The following PIBF1 variants were observed in gnomAD, a reference collection of about 807,000 sequenced individuals.
The protein encoded by PIBF1 is progesterone-induced-blocking factor 1.
PIBF1 carries 90 observed loss-of-function variants against 112.5 expected under a neutral mutation model. The observed-to-expected ratio is 0.80, with a 90% CI of 0.67 to 0.95. The LOEUF (loss-of-function observed/expected upper bound fraction) is 0.95, where lower values mean the gene tolerates loss of function less well. Among genes scored for constraint, PIBF1 ranks in the 40% least tolerant of loss-of-function variants. The pLI, the probability that PIBF1 is intolerant of heterozygous loss-of-function variation, is 0.00. For synonymous variants in PIBF1, 301 were observed against 288.6 expected, an observed-to-expected ratio of 1.04 and a Z score of -0.44; for missense variants, 915 against 852.3, an observed-to-expected ratio of 1.07 and a Z score of -0.92.
intron 14 of PIBF1, among the ~76,000 whole-genome samples, chr13:72,954,696 A>G (rs987321758): frequency 6.6e-6 from 1 of 152,156 alleles, no homozygotes; most frequent in African/African-American, 2.4e-5. Context: ...TCCCCATCTT[A>G]TGCTCTGGAG....
At chr13:72,962,175 C>A (rs1002959757) in intron 14 of PIBF1, among the ~76,000 whole-genome samples, 7 of 151,888 alleles carry the variant, frequency 4.6e-5, no homozygotes, top group Non-Finnish European at 1.5e-5. Context: ...ATATAAATAC[C>A]ATACTATTAA....
At chr13:72,956,825 G>GA (rs2042459016) in intron 14 of PIBF1, among the ~76,000 whole-genome samples, 2 of 152,122 alleles carry the variant, frequency 1.3e-5, no homozygotes, top group South Asian at 2.1e-4. Flanking sequence ...CTAGCTGGAA[G>GA]AAAAAAACCC....
intron 13 of PIBF1, among the ~76,000 whole-genome samples, chr13:72,924,436 C>G (rs2041409736): frequency 6.6e-6 from 1 of 152,006 alleles, no homozygotes; most frequent in African/African-American, 2.4e-5. Context: ...TCCAGAGGTA[C>G]TTATCGCTAT....
chr13:72,872,645 G>A (rs2039216081), intron 10 of PIBF1, among the ~76,000 whole-genome samples: 1 of 151,970 alleles, frequency 6.6e-6, no homozygotes, highest in Non-Finnish European at 1.5e-5. Context: ...TCTCATAATT[G>A]CTTTGTATGA....
intron 14 of PIBF1, among the ~76,000 whole-genome samples, chr13:72,938,290 T>C (rs2041925386): frequency 6.6e-6 from 1 of 152,098 alleles, no homozygotes; most frequent in African/African-American, 2.4e-5. Flanking sequence ...ACAGCACCAC[T>C]ATCTAGTAAA....
chr13:72,948,558 A>G lies in PIBF1; in HGVS notation c.1834-16716A>G, dbSNP rs191016537. ...ATCTCTGCCTGTTACTCGGTTCCAA[A>G]GTCACTTACACATTTTCAAGTATCT... is the stretch of plus-strand genomic sequence containing the variant. On this transcript the variant is annotated intron_variant, in intron 14 of 17. Transcript: ENST00000326291. Among the ~76,000 whole-genome samples the G allele has an allele frequency of 5.0e-3, 759 of 152,312 alleles. 9 individuals carry two copies. Among genetic ancestry groups the G allele is most frequent in the Non-Finnish European group, 9.1e-3 (617 of 68,014 alleles).
chr13:72,914,033 A>G (rs2040994850), intron 12 of PIBF1, among the ~76,000 whole-genome samples: 1 of 152,184 alleles, frequency 6.6e-6, no homozygotes, highest in Admixed American at 6.5e-5. Flanking sequence ...CAAAGAAGTG[A>G]GCACAGACTT....
intron 2 of PIBF1, among the ~76,000 whole-genome samples, chr13:72,789,678 T>G (rs1286141908): frequency 6.6e-6 from 1 of 152,100 alleles, no homozygotes; most frequent in African/African-American, 2.4e-5. Flanking sequence ...TGATACAGGT[T>G]GTTTCTTATC....
In PIBF1 at chr13:72,788,312, T is replaced by G. The variant is rs2138349852; in HGVS notation, c.253-4135T>G. ...ACCAACTGCCCAGGGTTTCAAGGAT[T>G]AAGTTCAGCAGTTAATACCAGAGAC... On this transcript the variant is annotated intron_variant, in intron 2 of 17. Transcript: ENST00000326291. 2.6e-5 allele frequency among the ~76,000 whole-genome samples: 4 copies of G among 152,338 alleles called. No homozygotes were observed. The Middle Eastern group carries it at 0.014, about 518-fold the overall frequency.
chr13:72,912,013 G>GA (rs2040911529), intron 12 of PIBF1, among the ~76,000 whole-genome samples: 1 of 151,134 alleles, frequency 6.6e-6, no homozygotes, highest in Non-Finnish European at 1.5e-5. Flanking sequence ...AGGAAGGAAG[G>GA]AAGGAAAGAG....
intron 4 of PIBF1, among the ~76,000 whole-genome samples, chr13:72,797,542 G>A (rs1566281646): frequency 6.6e-6 from 1 of 152,148 alleles, no homozygotes; most frequent in African/African-American, 2.4e-5. Flanking sequence ...GCATTTATAT[G>A]GGGGAAGAAC....
intron 14 of PIBF1, among the ~76,000 whole-genome samples, chr13:72,942,454 C>T (rs2042039387): frequency 6.6e-6 from 1 of 151,978 alleles, no homozygotes; most frequent in Non-Finnish European, 1.5e-5. Context: ...TGTTTTTCTT[C>T]TGTTTCAATG....
At chr13:72,783,749 T>G in intron 2 of PIBF1, 28 bp downstream of exon 2, 2 of 1,599,248 alleles carry the variant, frequency 1.3e-6, no homozygotes, top group South Asian at 1.1e-5. Context: ...TTTTGTGTTC[T>G]ATATGCTTTA....
At chr13:72,936,428 T>A (rs1266519070) in intron 14 of PIBF1, among the ~76,000 whole-genome samples, 1 of 152,212 alleles carries the variant, frequency 6.6e-6, no homozygotes, top group Non-Finnish European at 1.5e-5. Flanking sequence ...TTAAATATCT[T>A]TGCCTAACCT....
At chr13:72,924,234 T>A (rs2138727155) in intron 13 of PIBF1, among the ~76,000 whole-genome samples, 1 of 152,078 alleles carries the variant, frequency 6.6e-6, no homozygotes, top group East Asian at 1.9e-4. Flanking sequence ...TCTAAGACAT[T>A]TGCCTTCTTC....
At chr13:72,856,777 A>T (rs750783012) in intron 10 of PIBF1, among the ~76,000 whole-genome samples, 26 of 152,220 alleles carry the variant, frequency 1.7e-4, no homozygotes, top group Non-Finnish European at 2.9e-4. Flanking sequence ...AGAATTCTAG[A>T]TGTACCATCA....
At chr13:72,896,324 G>A (rs1452011063) in intron 11 of PIBF1, among the ~76,000 whole-genome samples, 1 of 152,132 alleles carries the variant, frequency 6.6e-6, no homozygotes, top group African/African-American at 2.4e-5. Flanking sequence ...CCCTTGACTT[G>A]CCCTCTGAGA....
chr13:72,960,335 T>C (rs2042571472), intron 14 of PIBF1, among the ~76,000 whole-genome samples: 1 of 152,158 alleles, frequency 6.6e-6, no homozygotes, highest in Non-Finnish European at 1.5e-5. Context: ...CACTTGAGTC[T>C]GGGAGGTCGA....
chr13:72,840,933 C>G (rs1366171768), intron 9 of PIBF1, among the ~76,000 whole-genome samples: 1 of 152,074 alleles, frequency 6.6e-6, no homozygotes, highest in East Asian at 1.9e-4. Flanking sequence ...TTTTTCTTTT[C>G]TCTTCTTTAA....
Sources: gnomAD v4.1 joint callset for allele counts (sites outside exome capture counted in the v4.1 genomes callset) on GRCh38, gnomAD v4.1.1 for gene constraint, MANE v1.5 for transcripts, NCBI Gene and HGNC (gene_info 2026-07-23, HGNC 2026-07-21) for gene names.